Variants in PLEKHG1 observed in about 807,000 individuals in gnomAD.
PLEKHG1 encodes pleckstrin homology domain-containing family G member 1.
Under a neutral mutation model 100.8 loss-of-function variants are expected in PLEKHG1, and 44 were observed. The observed-to-expected ratio is 0.44, with a 90% CI of 0.34 to 0.56. The LOEUF (loss-of-function observed/expected upper bound fraction) is 0.56, where lower values mean the gene tolerates loss of function less well. Ranked by LOEUF, PLEKHG1 falls within the 20% of genes least tolerant of loss-of-function variation. The pLI is 0.01. For synonymous variants in PLEKHG1, 640 were observed against 662.5 expected, an observed-to-expected ratio of 0.97 and a Z score of 0.52; for missense variants, 1,545 against 1,720.9, an observed-to-expected ratio of 0.90 and a Z score of 1.81.
At chr6:150,798,245 GA>G (rs1264926475) in intron 5 of PLEKHG1, among the ~76,000 whole-genome samples, 1 of 151,298 alleles carries the variant, frequency 6.6e-6, no homozygotes, top group Non-Finnish European at 1.5e-5. Flanking sequence ...CTTAGGGAAG[GA>G]AAAAAAACAT....
At chr6:150,761,798 C>T (rs1784174536) in intron 2 of PLEKHG1, among the ~76,000 whole-genome samples, 1 of 152,324 alleles carries the variant, frequency 6.6e-6, no homozygotes, top group Non-Finnish European at 1.5e-5. Flanking sequence ...TTCTACTCAT[C>T]ATTTCTATTT....
intron 10 of PLEKHG1, among the ~76,000 whole-genome samples, chr6:150,817,364 G>A (rs1401000648): frequency 6.6e-6 from 1 of 152,136 alleles, no homozygotes; most frequent in Non-Finnish European, 1.5e-5. Flanking sequence ...GAGAGACTTA[G>A]CTCATGATAA....
chr6:150,789,247 A>G (rs1785820408), intron 4 of PLEKHG1, among the ~76,000 whole-genome samples: 1 of 152,236 alleles, frequency 6.6e-6, no homozygotes, highest in Non-Finnish European at 1.5e-5. Flanking sequence ...ACAATTTGAA[A>G]GATTTGAAGA....
At chr6:150,745,179 C>G (rs1783090170) in intron 2 of PLEKHG1, among the ~76,000 whole-genome samples, 1 of 152,170 alleles carries the variant, frequency 6.6e-6, no homozygotes, top group Admixed American at 6.5e-5. Flanking sequence ...CCCTTTGCTT[C>G]TAGGCTACAA....
Position 150,831,708 on chromosome 6 carries a change from A to G in PLEKHG1, c.2597A>G (p.Asp866Gly), listed in dbSNP as rs1387979981. 2.5e-6 allele frequency: 4 copies of G among 1,613,262 alleles called. No homozygotes were observed. The highest frequency in any genetic ancestry group is 3.4e-6 in the Non-Finnish European group (4 of 1,180,028). Residue 866 changes from aspartate (D) to glycine (G), a missense_variant, in exon 15 of 16, where the codon GAT (aspartate) becomes GGT (glycine). By Grantham distance (94) the Asp-to-Gly change is moderately conservative (BLOSUM62 -1). Coordinates refer to ENST00000358517, the Ensembl canonical transcript of PLEKHG1. This position sits in a 1 kb window ranked among gnomAD's most constrained non-coding sequence, Gnocchi z 4.1. ...CTGGCAGCGTTTCCTGTGAGCAAGGATGATGTGCCAGACAGGCTGCACGCA... is the reference window on the plus strand; with the variant it reads ...CTGGCAGCGTTTCCTGTGAGCAAGGGTGATGTGCCAGACAGGCTGCACGCA...
At chr6:150,656,396 T>C (rs1251201606) in intron 3 of PLEKHG1, among the ~76,000 whole-genome samples, 2 of 152,152 alleles carry the variant, frequency 1.3e-5, no homozygotes, top group East Asian at 3.9e-4. Flanking sequence ...CTGTCCTCAG[T>C]CTTGTAGAAT....
chr6:150,660,578 T>C (rs1779144587), intron 3 of PLEKHG1, among the ~76,000 whole-genome samples: 3 of 152,200 alleles, frequency 2.0e-5, no homozygotes, highest in Admixed American at 1.3e-4. Context: ...GAGATAAAAA[T>C]GTGGCATCTT....
intron 6 of PLEKHG1, among the ~76,000 whole-genome samples, chr6:150,801,437 C>CTTT: frequency 9.2e-6 from 1 of 108,784 alleles, no homozygotes; most frequent in Non-Finnish European, 1.9e-5. Flanking sequence ...CTTTTCTTTT[C>CTTT]TTTTTTTTTT....
intron 1 of PLEKHG1, among the ~76,000 whole-genome samples, chr6:150,614,896 G>A (rs1169697938): frequency 6.6e-6 from 1 of 152,144 alleles, no homozygotes; most frequent in Non-Finnish European, 1.5e-5. Context: ...TAAACACTAG[G>A]GAAAATTAGT....
chr6:150,697,855 G>A (rs1392118165), intron 3 of PLEKHG1, among the ~76,000 whole-genome samples: 1 of 152,088 alleles, frequency 6.6e-6, no homozygotes, highest in Non-Finnish European at 1.5e-5. Flanking sequence ...AGTGATTCTG[G>A]TCCTCTTTGA....
At chr6:150,840,616 A>G (rs1478217657) in exon 16 of PLEKHG1, 3 of 1,614,126 alleles carry the variant, frequency 1.9e-6, no homozygotes, top group African/African-American at 2.7e-5. Context: ...TCGGAGTTGG[A>G]GCTATCTCAC....
Position 150,607,403 on chromosome 6 carries a change from G to T in PLEKHG1, c.-204+7386G>T, listed in dbSNP as rs986291114. On this transcript the variant is annotated intron_variant, in intron 1 of 3. Transcript: ENST00000367326. ...CTGATGTGCTGCAGAGAGAGGAAAA[G>T]CTGTAATCTGAGGCATAAATATACG... Among the ~76,000 whole-genome samples the T allele has an allele frequency of 5.3e-5, 8 of 152,192 alleles. No homozygotes were observed. The East Asian group carries it at 1.2e-3, about 22-fold the overall frequency.
chr6:150,623,346 T>C (rs1777384205), intron 1 of PLEKHG1, among the ~76,000 whole-genome samples: 1 of 152,208 alleles, frequency 6.6e-6, no homozygotes, highest in Admixed American at 6.5e-5. Flanking sequence ...TCTTCAGTAG[T>C]GTTTTATGAG....
chr6:150,704,310 C>T (rs1397977754), intron 3 of PLEKHG1, among the ~76,000 whole-genome samples: 1 of 152,222 alleles, frequency 6.6e-6, no homozygotes, highest in Non-Finnish European at 1.5e-5. Context: ...TCAAGGGCCC[C>T]TCTTGTCCCT....
At chr6:150,669,565 A>T (rs1192395728) in intron 3 of PLEKHG1, among the ~76,000 whole-genome samples, 6 of 151,120 alleles carry the variant, frequency 4.0e-5, no homozygotes, top group African/African-American at 1.5e-4. Flanking sequence ...TCCTTTCGGC[A>T]TCATCCTATG....
chr6:150,742,434 G>A (rs1379672148), intron 2 of PLEKHG1, among the ~76,000 whole-genome samples: 1 of 152,018 alleles, frequency 6.6e-6, no homozygotes, highest in Non-Finnish European at 1.5e-5. Flanking sequence ...GTGTGGTGGT[G>A]TGCACCTGTA....
intron 1 of PLEKHG1, among the ~76,000 whole-genome samples, chr6:150,601,154 G>T (rs1243264975): frequency 6.6e-6 from 1 of 152,200 alleles, no homozygotes; most frequent in Non-Finnish European, 1.5e-5. Flanking sequence ...TTCCGGGCTT[G>T]GGTAGGTCCT....
At chr6:150,637,023 T>C (rs1778032502) in intron 1 of PLEKHG1, among the ~76,000 whole-genome samples, 1 of 152,230 alleles carries the variant, frequency 6.6e-6, no homozygotes, top group African/African-American at 2.4e-5. Flanking sequence ...GAAAGTCCCA[T>C]ATGCGGGAAC....
chr6:150,739,018 CA>C (rs1177027512), intron 2 of PLEKHG1, among the ~76,000 whole-genome samples: 1 of 152,046 alleles, frequency 6.6e-6, no homozygotes, highest in African/African-American at 2.4e-5. Flanking sequence ...CACGGGCTGT[CA>C]GGGGTAGGGT....
Sources: allele counts gnomAD v4.1 joint callset (sites outside exome capture counted in the v4.1 genomes callset), GRCh38; gene constraint gnomAD v4.1.1; non-coding constraint Gnocchi (gnomAD v3.1); transcripts MANE v1.5; gene names NCBI Gene and HGNC (gene_info 2026-07-23, HGNC 2026-07-21).